Variants in SERINC5 observed in about 807,000 individuals in gnomAD.
The protein encoded by SERINC5 is serine incorporator 5, also known as chromosome 5 open reading frame 12.
In SERINC5, 41 loss-of-function variants were observed where a neutral mutation model predicts 63.1. That is an observed-to-expected ratio of 0.65 (90% CI 0.51 to 0.84). The LOEUF (loss-of-function observed/expected upper bound fraction) is 0.84. Among genes scored for constraint, SERINC5 ranks in the 40% least tolerant of loss-of-function variants. The pLI, the probability that SERINC5 is intolerant of heterozygous loss-of-function variation, is 0.00. For missense variants in SERINC5, 523 were observed against 573.0 expected (o/e 0.91, Z 0.89); for synonymous variants, 222 against 215.2 (o/e 1.03, Z -0.28).
chr5:80,246,379 TACTTAAAC>T (rs1038303867), intron 1 of SERINC5, among the ~76,000 whole-genome samples: 4 of 152,216 alleles, frequency 2.6e-5, no homozygotes, highest in Non-Finnish European at 2.9e-5. Context: ...AAAAAAATGA[TACTTAAAC>T]ACAAGTCTGA....
chr5:80,122,239 A>G (rs1744577565), intron 11 of SERINC5, among the ~76,000 whole-genome samples: 1 of 137,272 alleles, frequency 7.3e-6, no homozygotes, highest in Non-Finnish European at 1.6e-5. Context: ...ATATTAGCTC[A>G]CACGATCACA....
At chr5:80,150,809 A>G (rs1174626824) in intron 9 of SERINC5, 73 bp downstream of exon 9, 1 of 1,031,340 alleles carries the variant, frequency 9.7e-7, no homozygotes, top group Non-Finnish European at 1.5e-6. Flanking sequence ...TGATAAAGAC[A>G]CAAACACAAA....
intron 11 of SERINC5, chr5:80,129,218 A>G (rs937881746): frequency 6.6e-6 from 1 of 152,234 alleles, no homozygotes; most frequent in African/African-American, 2.4e-5. Context: ...ATTTGGGTAC[A>G]TTTCCTTTGG....
intron 2 of SERINC5, among the ~76,000 whole-genome samples, chr5:80,200,513 A>G (rs1749769635): frequency 1.3e-5 from 2 of 151,880 alleles, no homozygotes; most frequent in South Asian, 2.1e-4. Context: ...GAAAAGAAAA[A>G]AAAGACTTCA....
intron 3 of SERINC5, 125 bp from the exon 4 acceptor site, chr5:80,177,522 C>A (rs1050800693): frequency 2.8e-5 from 21 of 753,354 alleles, no homozygotes; most frequent in Non-Finnish European, 4.7e-5. Flanking sequence ...CTCTCCTAAT[C>A]AAGGGGAAGT....
In SERINC5 at chr5:80,158,925, C is replaced by T. The variant is rs1271854868; in HGVS notation, c.897G>A (p.Val299=). 10 of 1,613,690 alleles carry T rather than the reference C, an allele frequency of 6.2e-6. No homozygotes were observed. The highest frequency in any genetic ancestry group is 8.5e-6 in the Non-Finnish European group (10 of 1,179,718). The part of the protein sequence containing the change: ...DEHGKNVTIC[V]PDFGQDLYRD... ...TGTACAGGTCTTGACCAAAGTCAGGCACACAGATTGTAACATTTTTCCCAT... is the reference window on the plus strand; with the variant it reads ...TGTACAGGTCTTGACCAAAGTCAGGTACACAGATTGTAACATTTTTCCCAT... The change falls in exon 8 of 12, where the codon GTG becomes GTA. Residue 299 remains valine (V), a synonymous_variant. Transcript: ENST00000507668.
chr5:80,205,737 T>C (rs59411952), intron 1 of SERINC5, among the ~76,000 whole-genome samples: 3,365 of 152,146 alleles, frequency 0.022, 128 homozygotes, highest in African/African-American at 0.077. Context: ...TGCCACCTAC[T>C]AGCTGTGAAC....
chr5:80,211,899 C>A (rs564879007), intron 1 of SERINC5, among the ~76,000 whole-genome samples: 1 of 152,332 alleles, frequency 6.6e-6, no homozygotes, highest in African/African-American at 2.4e-5. Context: ...TAGAACAGTT[C>A]TGTCACAAGA....
At chr5:80,161,042 A>ATG in intron 7 of SERINC5, among the ~76,000 whole-genome samples, 1 of 128,684 alleles carries the variant, frequency 7.8e-6, no homozygotes, top group Non-Finnish European at 1.6e-5. Flanking sequence ...ACGTGTATAT[A>ATG]TATATATGTA....
chr5:80,127,109 C>A (rs1744773615), intron 11 of SERINC5, among the ~76,000 whole-genome samples: 1 of 152,166 alleles, frequency 6.6e-6, no homozygotes, highest in Non-Finnish European at 1.5e-5. Context: ...TTCCCCATTA[C>A]AGTAGATTTT....
In SERINC5 at chr5:80,169,525, G is replaced by A. The variant is rs771179612; in HGVS notation, c.573C>T (p.Asn191=). The A allele has an allele frequency of 1.2e-6, 2 of 1,613,444 alleles. No individual in the cohort carries two copies. Among genetic ancestry groups the A allele is most frequent in the Non-Finnish European group, 8.5e-7 (1 of 1,179,650 alleles). ...GGGCCAGGGAGGCGTACCACAGCTTGTTACTGGCTGTGCCTGCTGTCCTGT... is the reference window on the plus strand; with the variant it reads ...GGGCCAGGGAGGCGTACCACAGCTTATTACTGGCTGTGCCTGCTGTCCTGT... The part of the protein sequence containing the change: ...NKNWTAGTAS[N]KLWYASLALV... Residue 191 remains asparagine, a synonymous_variant, in exon 6 of 12, where the codon AAC becomes AAT. Coordinates refer to ENST00000507668, the MANE Select transcript of SERINC5 (RefSeq NM_001174072.3).
Position 80,133,233 on chromosome 5 carries a change from T to A in SERINC5, c.1238+12857A>T, listed in dbSNP as rs989571347. 1.0e-3 allele frequency among the ~76,000 whole-genome samples: 153 copies of A among 152,240 alleles called. 2 individuals are homozygous for A. The highest frequency in any genetic ancestry group is 9.6e-3 in the Admixed American group (147 of 15,284). On this transcript the variant is annotated intron_variant, in intron 11 of 12. Transcript: ENST00000509193. ...AATGCTTATACTGCCTGCAGAACTA[T>A]GAGCCAAATAAACCCCTTTTCTCTA...
chr5:80,231,761 CA>C (rs1751447780), intron 1 of SERINC5, among the ~76,000 whole-genome samples: 1 of 152,058 alleles, frequency 6.6e-6, no homozygotes, highest in Non-Finnish European at 1.5e-5. Flanking sequence ...TATTCAAATG[CA>C]AAACAATGAA....
At chr5:80,204,171 G>A (rs1750035064) in intron 1 of SERINC5, among the ~76,000 whole-genome samples, 1 of 152,158 alleles carries the variant, frequency 6.6e-6, no homozygotes, top group Admixed American at 6.5e-5. Flanking sequence ...CCAGTAAAGA[G>A]TTTTGGTGAG....
intron 1 of SERINC5, among the ~76,000 whole-genome samples, chr5:80,205,975 C>CAAA (rs368524252): frequency 0.15 from 11,161 of 74,138 alleles, 1,290 homozygotes; most frequent in East Asian, 0.53. Context: ...TGGTGGTGCA[C>CAAA]AAAAAAAAAA....
At chr5:80,130,334 C>T (rs1287389762) in intron 11 of SERINC5, among the ~76,000 whole-genome samples, 2 of 151,908 alleles carry the variant, frequency 1.3e-5, no homozygotes, top group Non-Finnish European at 2.9e-5. Flanking sequence ...GAGCCAAGAT[C>T]GCGCCACTGC....
chr5:80,190,178 C>T (rs924970534), intron 2 of SERINC5, among the ~76,000 whole-genome samples: 9 of 142,084 alleles, frequency 6.3e-5, no homozygotes, highest in African/African-American at 2.4e-4. Flanking sequence ...ATGGCACAAT[C>T]TCGGCTCACT....
chr5:80,223,312 C>T (rs1447348433), intron 1 of SERINC5, among the ~76,000 whole-genome samples: 1 of 152,170 alleles, frequency 6.6e-6, no homozygotes, highest in East Asian at 1.9e-4. Flanking sequence ...TGCATATAAT[C>T]TATGCATATC....
chr5:80,199,362 G>A (rs572357726), intron 2 of SERINC5, among the ~76,000 whole-genome samples: 1 of 152,204 alleles, frequency 6.6e-6, no homozygotes, highest in Non-Finnish European at 1.5e-5. Context: ...TGAGTACAGT[G>A]CTGATGAAGT....
Sources: allele counts gnomAD v4.1 joint callset (sites outside exome capture counted in the v4.1 genomes callset), GRCh38; gene constraint gnomAD v4.1.1; transcripts MANE v1.5; gene names NCBI Gene and HGNC (gene_info 2026-07-23, HGNC 2026-07-21).